SLC25A46: variants seen among roughly 807,000 people sequenced by gnomAD.
SLC25A46 encodes mitochondrial outer membrane protein SLC25A46.
SLC25A46 carries 39 observed loss-of-function variants against 44.6 expected under a neutral mutation model. The ratio of observed to expected loss-of-function variants is 0.87; its 90% CI spans 0.68 to 1.14. The LOEUF (loss-of-function observed/expected upper bound fraction) is 1.14. Ranked by LOEUF, SLC25A46 falls within the 50% of genes most tolerant of loss-of-function variation. SLC25A46 has a pLI of 0.00. For synonymous variants in SLC25A46, 202 were observed against 185.8 expected (o/e 1.09, Z -0.71); for missense variants, 547 against 522.7 (o/e 1.05, Z -0.45).
intron 4 of SLC25A46, among the ~76,000 whole-genome samples, chr5:110,747,431 C>T (rs1353769490): frequency 1.3e-5 from 2 of 152,010 alleles, no homozygotes; most frequent in Non-Finnish European, 2.9e-5. Flanking sequence ...TGGATTATCC[C>T]GATAAATTTT....
chr5:110,756,561 G>C (rs1561607089), intron 6 of SLC25A46, 141 bp from the exon 7 acceptor site: 1 of 512,316 alleles, frequency 2.0e-6, no homozygotes, highest in Non-Finnish European at 3.5e-6. Context: ...TTTTTAGGCT[G>C]TAGGTATTAA....
At position 110,761,485 on chromosome 5, in the gene SLC25A46, C is replaced by T. The variant is rs1800249439; in HGVS notation, c.960C>T (p.Asn320=). The change falls in exon 8 of 8, where the codon AAC becomes AAT. Residue 320 remains asparagine, a synonymous_variant. Coordinates refer to ENST00000355943, the MANE Select transcript of SLC25A46 (RefSeq NM_138773.4). This position sits in a 1 kb window ranked among gnomAD's most constrained non-coding sequence, Gnocchi z 5.3. ...LDAYFPELIA[N]FAASLCSDVI... ...CTTATTTTCCAGAACTTATTGCTAA[C>T]TTTGCTGCCAGTCTTTGTTCTGACG... 2 of 1,613,826 alleles carry T rather than the reference C, an allele frequency of 1.2e-6. No individual in the cohort carries two copies. The highest frequency in any genetic ancestry group is 4.5e-5 in the East Asian group (2 of 44,856).
chr5:110,759,987 A>G (rs1015582518), intron 7 of SLC25A46, among the ~76,000 whole-genome samples: 2 of 152,180 alleles, frequency 1.3e-5, no homozygotes, highest in Non-Finnish European at 2.9e-5. Context: ...TCTTAGGTTG[A>G]GACATCGTAA....
chr5:110,750,827 T>C (rs1799950483), intron 5 of SLC25A46, among the ~76,000 whole-genome samples: 2 of 152,168 alleles, frequency 1.3e-5, no homozygotes, highest in African/African-American at 4.8e-5. Context: ...TCCTGGCTAT[T>C]CCACTTTTTA....
chr5:110,741,090 G>C (rs1054625918), intron 1 of SLC25A46, among the ~76,000 whole-genome samples: 11 of 152,204 alleles, frequency 7.2e-5, no homozygotes, highest in African/African-American at 2.4e-4. Context: ...TGTTCTGATT[G>C]AAAGGGAATA....
intron 7 of SLC25A46, among the ~76,000 whole-genome samples, chr5:110,758,698 C>G (rs1800173285): frequency 6.6e-6 from 1 of 151,944 alleles, no homozygotes; most frequent in South Asian, 2.1e-4. Flanking sequence ...GGAAGAATCG[C>G]TTGAACCCGG....
upstream of SLC25A46, chr5:110,738,907 C>T: frequency 7.6e-7 from 1 of 1,317,580 alleles, no homozygotes; most frequent in Non-Finnish European, 1.0e-6. Flanking sequence ...CAGGTTACCG[C>T]CGCGTCTCCC....
At chr5:110,749,877 G>A (rs1799917026) in intron 5 of SLC25A46, among the ~76,000 whole-genome samples, 1 of 152,004 alleles carries the variant, frequency 6.6e-6, no homozygotes, top group African/African-American at 2.4e-5. Flanking sequence ...AATTTTTAAG[G>A]TGCTATTTGG....
intron 7 of SLC25A46, 21 bp downstream of exon 7, chr5:110,756,780 A>AT (rs575806457): frequency 7.3e-3 from 9,717 of 1,339,620 alleles, no homozygotes; most frequent in South Asian, 0.011. Context: ...TTTTACTGTC[A>AT]TTTTTTTTTT....
At chr5:110,757,220 A>G (rs1023900027) in intron 7 of SLC25A46, among the ~76,000 whole-genome samples, 1 of 152,116 alleles carries the variant, frequency 6.6e-6, no homozygotes, top group African/African-American at 2.4e-5. Flanking sequence ...TTTAAGTGAC[A>G]TTTGATACTA....
chr5:110,752,167 T>C (rs941957377), intron 5 of SLC25A46, among the ~76,000 whole-genome samples: 2 of 152,174 alleles, frequency 1.3e-5, no homozygotes, highest in Non-Finnish European at 2.9e-5. Context: ...TAGGGGTTTT[T>C]AAATACAGTT....
At chr5:110,748,535 G>GA (rs1019060663) in intron 5 of SLC25A46, among the ~76,000 whole-genome samples, 1 of 151,758 alleles carries the variant, frequency 6.6e-6, no homozygotes, top group African/African-American at 2.4e-5. Context: ...GTAACTAAAA[G>GA]AAAAAACAAA....
At chr5:110,744,380 C>G (rs1031457877) in intron 3 of SLC25A46, among the ~76,000 whole-genome samples, 2 of 152,134 alleles carry the variant, frequency 1.3e-5, no homozygotes, top group African/African-American at 4.8e-5. Flanking sequence ...ACTTTTTATA[C>G]TTTGTTACAT....
intron 7 of SLC25A46, among the ~76,000 whole-genome samples, chr5:110,758,508 G>C (rs1263463891): frequency 2.0e-5 from 3 of 152,088 alleles, no homozygotes; most frequent in Non-Finnish European, 1.5e-5. Context: ...CAGTCATCAT[G>C]AACTTTGTAG....
chr5:110,752,631 C>T (rs1799994111), intron 5 of SLC25A46, among the ~76,000 whole-genome samples: 1 of 152,134 alleles, frequency 6.6e-6, no homozygotes, highest in African/African-American at 2.4e-5. Context: ...ATGAAATCTT[C>T]CTCAAATTCA....
chr5:110,745,368 C>G (rs1440710817), intron 3 of SLC25A46, among the ~76,000 whole-genome samples: 2 of 152,148 alleles, frequency 1.3e-5, no homozygotes, highest in Non-Finnish European at 2.9e-5. Flanking sequence ...ATTCTCCTGC[C>G]TCAGCCTCCC....
At chr5:110,756,470 C>A (rs1580866921) in intron 6 of SLC25A46, among the ~76,000 whole-genome samples, 1 of 152,202 alleles carries the variant, frequency 6.6e-6, no homozygotes, top group East Asian at 1.9e-4. Context: ...ATTTTCTTTG[C>A]AGGCTGTCCT....
chr5:110,749,207 A>G (rs1398469634), intron 5 of SLC25A46, among the ~76,000 whole-genome samples: 1 of 152,174 alleles, frequency 6.6e-6, no homozygotes, highest in Non-Finnish European at 1.5e-5. Flanking sequence ...TTCAAGAAGA[A>G]GAAAAAGTTG....
Position 110,748,238 on chromosome 5 carries a change from A to G in SLC25A46, c.538A>G (p.Ile180Val), listed in dbSNP as rs1580860383. 1 of 1,613,520 alleles carries G rather than the reference A, an allele frequency of 6.2e-7. No homozygotes were observed. Residue 180 changes from isoleucine to valine, a missense_variant, in exon 5 of 8, where the codon ATT becomes GTT. By Grantham distance (29) the Ile-to-Val change is conservative (BLOSUM62 3). Coordinates refer to ENST00000355943, the MANE Select transcript of SLC25A46 (RefSeq NM_138773.4). ...QGVTLGAEGI[I>V]SEFTPLPREV... is the part of the protein sequence containing the mutation. The stretch of plus-strand genomic sequence containing the variant: ...AGTCACACTTGGAGCAGAAGGCATA[A>G]TTAGTGAATTTACACCTTTGCCAAG...
Sources: gnomAD v4.1 joint callset for allele counts (sites outside exome capture counted in the v4.1 genomes callset) on GRCh38, gnomAD v4.1.1 for gene constraint, Gnocchi (gnomAD v3.1) non-coding constraint, MANE v1.5 for transcripts, NCBI Gene and HGNC (gene_info 2026-07-23, HGNC 2026-07-21) for gene names.